ASTL: variants seen among roughly 807,000 people sequenced by gnomAD.
ASTL encodes astacin-like metalloendopeptidase.
Under a neutral mutation model 36.7 loss-of-function variants are expected in ASTL, and 27 were observed. That is an observed-to-expected ratio of 0.73 (90% CI 0.54 to 1.01). The LOEUF (loss-of-function observed/expected upper bound fraction) is 1.01, where lower values mean the gene tolerates loss of function less well. Among genes scored for constraint, ASTL ranks in the 50% least tolerant of loss-of-function variants. The pLI, the probability that ASTL is intolerant of heterozygous loss-of-function variation, is 0.00. For synonymous variants in ASTL, 222 were observed against 228.1 expected (o/e 0.97, Z 0.24); for missense variants, 524 against 572.8 (o/e 0.91, Z 0.87).
intron 2 of ASTL, among the ~76,000 whole-genome samples, chr2:96,137,090 G>A (rs900075937): frequency 5.3e-5 from 8 of 152,240 alleles, no homozygotes; most frequent in South Asian, 2.1e-4. Flanking sequence ...TGATCTGCCC[G>A]CCTCAGCCTC....
chr2:96,135,297 C>G (rs1426183508), intron 3 of ASTL, 54 bp downstream of exon 3: 2 of 1,519,188 alleles, frequency 1.3e-6, no homozygotes, highest in African/African-American at 1.4e-5. Flanking sequence ...CTCAGAGGAC[C>G]TGTCGCCAAC....
chr2:96,136,463 C>T (rs1682301027), intron 2 of ASTL, among the ~76,000 whole-genome samples: 1 of 152,372 alleles, frequency 6.6e-6, no homozygotes, highest in Admixed American at 6.5e-5. Flanking sequence ...TATGAGACAG[C>T]CTCACCGTAG....
Position 96,137,718 on chromosome 2 carries a change from G to C in ASTL, c.56-18C>G, listed in dbSNP as rs199725925. On this transcript the variant is annotated intron_variant, in intron 1 of 8. Coordinates refer to ENST00000342380, the MANE Select transcript of ASTL (RefSeq NM_001002036.4). ...GATCACACCTGGTCCAGACAGACAG[G>C]GGCATACACAGATGCCTGGAGCACC... 1 of 1,600,518 alleles carries C rather than the reference G, an allele frequency of 6.2e-7. No homozygotes were observed. The highest frequency in any genetic ancestry group is 2.2e-5 in the East Asian group (1 of 44,538).
At chr2:96,135,906 C>T (rs542474040) in intron 2 of ASTL, among the ~76,000 whole-genome samples, 1 of 152,316 alleles carries the variant, frequency 6.6e-6, no homozygotes, top group African/African-American at 2.4e-5. Context: ...CCAGCCTGAG[C>T]CACACTCCTC....
rs942448898 is a variant in ASTL, at chr2:96,123,419, G to A, written c.*431C>T. 2.6e-5 allele frequency among the ~76,000 whole-genome samples: 4 copies of A among 152,200 alleles called. No homozygotes were observed. The South Asian group carries it at 6.2e-4, about 24-fold the overall frequency. On this transcript the variant is annotated 3_prime_UTR_variant, in exon 9 of 9. Coordinates refer to ENST00000342380, the MANE Select transcript of ASTL (RefSeq NM_001002036.4). ...GGTGGGATGGGAGGCTGTTCCCAGG[G>A]TCCCAGCCACAGGGCTGCCCTGAGG...
intron 6 of ASTL, 60 bp from the exon 7 acceptor site, chr2:96,130,205 A>G (rs749457): frequency 0.37 from 507,527 of 1,361,710 alleles, 99,022 homozygotes; most frequent in East Asian, 0.6. Context: ...AAGAAAGGGC[A>G]GGCAATGGCT....
At chr2:96,134,123 T>TACC (rs916660726) in intron 3 of ASTL, 65 bp from the exon 4 acceptor site, 1 of 1,097,070 alleles carries the variant, frequency 9.1e-7, no homozygotes, top group African/African-American at 1.5e-5. Flanking sequence ...GCCCCAAGGG[T>TACC]ACCACACCCC....
intron 8 of ASTL, among the ~76,000 whole-genome samples, chr2:96,127,356 A>G (rs777293974): frequency 1.3e-5 from 2 of 152,228 alleles, no homozygotes; most frequent in Non-Finnish European, 2.9e-5. Context: ...AAGTGGTTGC[A>G]GCCACTCATA....
In ASTL at chr2:96,129,941, G is replaced by T. The variant is rs1213856101; in HGVS notation, c.757C>A (p.Pro253Thr). The change falls in exon 8 of 9, where the codon CCA becomes ACA. Residue 253 changes from proline to threonine, a missense_variant. Pro to Thr is a conservative substitution (Grantham distance 38). Coordinates refer to ENST00000342380, the MANE Select transcript of ASTL (RefSeq NM_001002036.4). Reference protein sequence around the residue: ...FSRRGLPTITPLWAPSVHIGQ... With the variant: ...FSRRGLPTITTLWAPSVHIGQ... ...ATGTGGACACTGGGGGCCCAAAGTG[G>T]TGTGATGGTGGGCAGCCCACGCCGG... is the stretch of plus-strand genomic sequence containing the variant. 6.2e-7 allele frequency: 1 copy of T among 1,605,822 alleles called. No individual in the cohort carries two copies.
intron 3 of ASTL, among the ~76,000 whole-genome samples, chr2:96,134,735 T>G (rs969210199): frequency 4.6e-5 from 7 of 152,238 alleles, no homozygotes; most frequent in African/African-American, 1.2e-4. Flanking sequence ...GTGCCGTCAG[T>G]GGCAGCCTCC....
chr2:96,132,401 A>G lies in ASTL; in HGVS notation c.637+139T>C. ...AGGTACCAGGTACCAGACAGAAGTG[A>G]GACCCCCACCTTCCCCACAGGAAGC... On this transcript the variant is annotated intron_variant, in intron 6 of 8. Transcript: ENST00000342380. This position sits in a 1 kb window ranked among gnomAD's most constrained non-coding sequence, Gnocchi z 5.4. 1 of 758,298 alleles carries G rather than the reference A, an allele frequency of 1.3e-6. No individual in the cohort carries two copies. The highest frequency in any genetic ancestry group is 2.1e-6 in the Non-Finnish European group (1 of 485,940). The allele number at this position is 758,298 out of a possible 1,614,324, so 47.0% of individuals were successfully genotyped here. A position where few individuals can be genotyped will look rare whatever the true frequency, so the allele number is the denominator to read the frequency against.
chr2:96,127,435 G>T (rs1682086555), intron 8 of ASTL, among the ~76,000 whole-genome samples: 1 of 152,168 alleles, frequency 6.6e-6, no homozygotes. Context: ...GTATTATTGG[G>T]CTTTAAAGTG....
At position 96,123,832 on chromosome 2, in the gene ASTL, G is replaced by A. The variant is rs1433124448; in HGVS notation, c.*18C>T. ...GGGCAGAGGATGCCCTCCCTACTTG[G>A]GGACAGAAGCCACAGGCTTAATCTT... On this transcript the variant is annotated 3_prime_UTR_variant, in exon 9 of 9. Coordinates refer to ENST00000342380, the MANE Select transcript of ASTL (RefSeq NM_001002036.4). 2 of 1,603,708 alleles carry A rather than the reference G, an allele frequency of 1.2e-6. No homozygotes were observed. Among genetic ancestry groups the A allele is most frequent in the East Asian group, 2.2e-5 (1 of 44,828 alleles).
Position 96,130,046 on chromosome 2 carries a change from A to G in ASTL, c.719+18T>C, listed in dbSNP as rs199676162. 5 of 1,613,502 alleles carry G rather than the reference A, an allele frequency of 3.1e-6. No individual in the cohort carries two copies. The highest frequency in any genetic ancestry group is 4.2e-6 in the Non-Finnish European group (5 of 1,179,496). On this transcript the variant is annotated intron_variant, in intron 7 of 8. Coordinates refer to ENST00000342380, the MANE Select transcript of ASTL (RefSeq NM_001002036.4). ...AGAGGCTGGGGGAAGCAGAGGGAGAAGAAGGCAGGGTCCTCACCTCCCATA... is the reference window on the plus strand; with the variant it reads ...AGAGGCTGGGGGAAGCAGAGGGAGAGGAAGGCAGGGTCCTCACCTCCCATA...
rs961238654 is a variant in ASTL, at chr2:96,123,487, TCAGGCA to T, written c.*357_*362del. 6.6e-6 allele frequency among the ~76,000 whole-genome samples: 1 copy of T among 152,154 alleles called. No individual in the cohort carries two copies. Among genetic ancestry groups the T allele is most frequent in the Non-Finnish European group, 1.5e-5 (1 of 68,002 alleles). On this transcript the variant is annotated 3_prime_UTR_variant, in exon 9 of 9. Transcript: ENST00000342380. ...TTAGTCCATGCTGGGGGGCAGGGCC[TCAGGCA>T]CAGGAGGGATTCCAGGGTTCTGCGG...
At chr2:96,135,226 G>C (rs1682269061) in intron 3 of ASTL, 125 bp downstream of exon 3, 2 of 683,244 alleles carry the variant, frequency 2.9e-6, no homozygotes, top group Non-Finnish European at 2.5e-6. Flanking sequence ...TTGACAAAAA[G>C]AGGCATCTAC....
Position 96,134,499 on chromosome 2 carries a change from C to A in ASTL, c.244-441G>T, listed in dbSNP as rs183478311. Among the ~76,000 whole-genome samples the A allele has an allele frequency of 2.3e-3, 349 of 152,248 alleles. 1 individual carries two copies. The highest frequency in any genetic ancestry group is 8.9e-3 in the South Asian group (43 of 4,824). On this transcript the variant is annotated intron_variant, in intron 3 of 8. Transcript: ENST00000342380. ...GAGTGAAAGTGAGGCAGCACCCTGG[C>A]CTCGGCTGCTTACTTCTGCTCTCCA...
Position 96,133,948 on chromosome 2 carries a change from G to T in ASTL, c.337+17C>A. ...GAAGGGGCTGAGGCAGGGAGGGAGCGCGCCATGCTCACTCACCGTACTTGC... is the reference window on the plus strand; with the variant it reads ...GAAGGGGCTGAGGCAGGGAGGGAGCTCGCCATGCTCACTCACCGTACTTGC... On this transcript the variant is annotated intron_variant, in intron 4 of 8. Transcript: ENST00000342380. 1.9e-6 allele frequency: 3 copies of T among 1,558,478 alleles called. No individual in the cohort carries two copies. Among genetic ancestry groups the T allele is most frequent in the Non-Finnish European group, 1.8e-6 (2 of 1,129,418 alleles).
chr2:96,125,581 C>G (rs1682048802), intron 8 of ASTL, among the ~76,000 whole-genome samples: 1 of 152,200 alleles, frequency 6.6e-6, no homozygotes, highest in Non-Finnish European at 1.5e-5. Context: ...TTGATAGACC[C>G]AGCCCTTGAC....
Sources: gnomAD v4.1 joint callset for allele counts (sites outside exome capture counted in the v4.1 genomes callset) on GRCh38, gnomAD v4.1.1 for gene constraint, Gnocchi (gnomAD v3.1) non-coding constraint, MANE v1.5 for transcripts, NCBI Gene and HGNC (gene_info 2026-07-23, HGNC 2026-07-21) for gene names.